Variants in RBAK observed in about 807,000 individuals in gnomAD.
RBAK encodes the protein RB associated KRAB zinc finger.
In RBAK, 39 loss-of-function variants were observed where a neutral mutation model predicts 65.8. The observed-to-expected ratio is 0.59, with a 90% CI of 0.46 to 0.77. RBAK has a LOEUF of 0.77. Among genes scored for constraint, RBAK ranks in the 30% least tolerant of loss-of-function variants. RBAK has a pLI of 0.00. For synonymous variants in RBAK, 343 were observed against 289.7 expected (o/e 1.18, Z -1.87); for missense variants, 884 against 855.1 (o/e 1.03, Z -0.42).
At chr7:5,061,827 A>G (rs1779081607) in intron 4 of RBAK, among the ~76,000 whole-genome samples, 1 of 151,558 alleles carries the variant, frequency 6.6e-6, no homozygotes, top group Admixed American at 6.6e-5. Context: ...GAGCCTGAGA[A>G]GTGGAGGTTG....
rs1301716947 is a variant in RBAK at position 5,064,862 on chromosome 7, A to C, written c.1406A>C (p.Asn469Thr). Residue 469 changes from asparagine to threonine, a missense_variant, in exon 5 of 5, where the codon AAT (asparagine) becomes ACT (threonine). Asn to Thr is a moderately conservative substitution (Grantham distance 65, BLOSUM62 0). Transcript: ENST00000396912. The surrounding 1 kb of genome is among the most constrained non-coding windows in gnomAD (Gnocchi z 6.3). Reference sequence around the variant, plus strand: ...GAATGTGGCAAAACCTTCAATTTAAATTCAGCCTTCATTAGACATCGGAAA... The same window carrying C: ...GAATGTGGCAAAACCTTCAATTTAACTTCAGCCTTCATTAGACATCGGAAA... ...CNECGKTFNL[N>T]SAFIRHRKVH... The C allele has an allele frequency of 6.2e-6, 10 of 1,613,936 alleles. No homozygotes were observed. In the East Asian group the frequency reaches 2.0e-4, roughly 32 times the overall value.
At chr7:5,053,967 C>G (rs188443072) in intron 2 of RBAK, among the ~76,000 whole-genome samples, 24 of 152,256 alleles carry the variant, frequency 1.6e-4, no homozygotes, top group African/African-American at 5.3e-4. Flanking sequence ...TTTCCCATCT[C>G]GCAACTCTTA....
In RBAK at chr7:5,063,611, C is replaced by T. The variant is rs994722941; in HGVS notation, c.239-84C>T. On this transcript the variant is annotated intron_variant, in intron 4 of 4. Transcript: ENST00000396912. ...GGCTCTAAAGCCAGAGTCAACCCCA[C>T]AATGGGGGCTCTTGAATACCAGTAC... 2.7e-6 allele frequency: 3 copies of T among 1,111,000 alleles called. No homozygotes were observed. The African/African-American group carries it at 4.8e-5, about 18-fold the overall frequency. 68.8% of individuals were successfully genotyped at this position (1,111,000 alleles called of 1,614,324 possible).
At position 5,065,377 on chromosome 7, in the gene RBAK, C is replaced by T; in HGVS notation, c.1921C>T (p.His641Tyr). 6.2e-7 allele frequency: 1 copy of T among 1,613,574 alleles called. No individual in the cohort carries two copies. Among genetic ancestry groups the T allele is most frequent in the Non-Finnish European group, 8.5e-7 (1 of 1,179,756 alleles). ...CTCTCGGATGTCAAACCTCACTGTCCACTACAGAAGCCATTCAGGAGAGAA... is the reference window on the plus strand; with the variant it reads ...CTCTCGGATGTCAAACCTCACTGTCTACTACAGAAGCCATTCAGGAGAGAA... ...VFSRMSNLTV[H>Y]YRSHSGEKPY... is the part of the protein sequence containing the mutation. The change falls in exon 5 of 5, where the codon CAC (histidine) becomes TAC (tyrosine). Residue 641 changes from histidine to tyrosine, a missense_variant. By Grantham distance (83) the His-to-Tyr change is moderately conservative (BLOSUM62 2). Transcript: ENST00000396912. This position sits in a 1 kb window ranked among gnomAD's most constrained non-coding sequence, Gnocchi z 5.3.
intron 2 of RBAK, among the ~76,000 whole-genome samples, chr7:5,054,076 T>C (rs1462157490): frequency 1.3e-5 from 2 of 152,160 alleles, no homozygotes; most frequent in African/African-American, 2.4e-5. Flanking sequence ...CCATCACTCA[T>C]AGATAACTCT....
At chr7:5,062,406 A>G (rs1485106868) in intron 4 of RBAK, among the ~76,000 whole-genome samples, 1 of 152,192 alleles carries the variant, frequency 6.6e-6, no homozygotes, top group African/African-American at 2.4e-5. Context: ...GCAAGTTTTT[A>G]TTAGGGACTT....
At chr7:5,060,636 A>G (rs1386336060) in intron 4 of RBAK, among the ~76,000 whole-genome samples, 1 of 152,242 alleles carries the variant, frequency 6.6e-6, no homozygotes, top group Non-Finnish European at 1.5e-5. Flanking sequence ...CCAGGAGTCA[A>G]ATTGAATGAG....
chr7:5,068,013 A>G lies in RBAK; in HGVS notation c.*2412A>G, dbSNP rs754564678. 1.3e-5 allele frequency: 2 copies of G among 152,224 alleles called. No individual in the cohort carries two copies. The highest frequency in any genetic ancestry group is 1.3e-4 in the Admixed American group (2 of 15,280). The allele number at this position is 152,224 out of a possible 1,614,324, so 9.4% of individuals were successfully genotyped here. On this transcript the variant is annotated 3_prime_UTR_variant, in exon 5 of 5. Coordinates refer to ENST00000396912, the MANE Select transcript of RBAK (RefSeq NM_021163.4). ...GAGACCCAAAAAGCATTAACCCATA[A>G]AATTAGAACTTAATATTAAATTTGA...
At position 5,065,370 on chromosome 7, in the gene RBAK, C is replaced by T; in HGVS notation, c.1914C>T (p.Leu638=). 6.2e-7 allele frequency: 1 copy of T among 1,613,648 alleles called. No individual in the cohort carries two copies. Among genetic ancestry groups the T allele is most frequent in the Non-Finnish European group, 8.5e-7 (1 of 1,179,736 alleles). The change falls in exon 5 of 5, where the codon CTC becomes CTT. Residue 638 remains leucine, a synonymous_variant. Coordinates refer to ENST00000396912, the MANE Select transcript of RBAK (RefSeq NM_021163.4). This position sits in a 1 kb window ranked among gnomAD's most constrained non-coding sequence, Gnocchi z 5.3. ...AAGTCTTCTCTCGGATGTCAAACCT[C>T]ACTGTCCACTACAGAAGCCATTCAG... is the stretch of plus-strand genomic sequence containing the variant. ...CGKVFSRMSN[L]TVHYRSHSGE... is the part of the protein sequence containing the mutation.
chr7:5,051,682 A>G (rs938913259), intron 2 of RBAK, among the ~76,000 whole-genome samples: 21 of 152,180 alleles, frequency 1.4e-4, no homozygotes, highest in African/African-American at 5.1e-4. Context: ...TAATATTTGC[A>G]GAATACAGGC....
At chr7:5,049,732 T>G (rs1788074455) in intron 2 of RBAK, among the ~76,000 whole-genome samples, 1 of 152,156 alleles carries the variant, frequency 6.6e-6, no homozygotes, top group Non-Finnish European at 1.5e-5. Context: ...GTTTCTTTTT[T>G]TCTTTTTTTG....
intron 4 of RBAK, 93 bp from the exon 5 acceptor site, chr7:5,063,602 T>A: frequency 1.8e-5 from 18 of 984,968 alleles, no homozygotes; most frequent in Non-Finnish European, 2.6e-5. Context: ...AAAGCCAGAG[T>A]CAACCCCACA....
In RBAK at chr7:5,064,709, C is replaced by T; in HGVS notation, c.1253C>T (p.Thr418Ile). Residue 418 changes from threonine (T) to isoleucine (I), a missense_variant, in exon 5 of 5, where the codon ACA (threonine) becomes ATA (isoleucine). Thr to Ile is a moderately conservative substitution (Grantham distance 89, BLOSUM62 -1). Coordinates refer to ENST00000396912, the MANE Select transcript of RBAK (RefSeq NM_021163.4). The surrounding 1 kb of genome is among the most constrained non-coding windows in gnomAD (Gnocchi z 6.3). ...KSYYRKSTLI[T>I]HQRTHTGEKP... is the part of the protein sequence containing the mutation. ...TACTACCGAAAGTCTACTCTGATTACACATCAGAGAACACACACGGGAGAG... is the reference window on the plus strand; with the variant it reads ...TACTACCGAAAGTCTACTCTGATTATACATCAGAGAACACACACGGGAGAG... The T allele has an allele frequency of 6.2e-7, 1 of 1,611,894 alleles. No individual in the cohort carries two copies. Among genetic ancestry groups the T allele is most frequent in the South Asian group, 1.1e-5 (1 of 90,896 alleles).
Position 5,066,208 on chromosome 7 carries a change from G to A in RBAK, c.*607G>A, listed in dbSNP as rs1176182920. 6.6e-6 allele frequency: 1 copy of A among 152,440 alleles called. No individual in the cohort carries two copies. Among genetic ancestry groups the A allele is most frequent in the African/African-American group, 2.4e-5 (1 of 41,380 alleles). 9.4% of individuals were successfully genotyped at this position (152,440 alleles called of 1,614,324 possible). On this transcript the variant is annotated 3_prime_UTR_variant, in exon 5 of 5. Transcript: ENST00000396912. ...AGTTTTCTTATTTGAGTATTAGGAT[G>A]GCAAAATGTATTAAGACAGGACATA...
intron 4 of RBAK, among the ~76,000 whole-genome samples, chr7:5,060,570 G>C (rs185728863): frequency 6.6e-5 from 10 of 152,322 alleles, no homozygotes; most frequent in African/African-American, 2.4e-4. Flanking sequence ...GAAGAGATTT[G>C]ATAAATGTCT....
rs753186659 is a variant in RBAK at position 5,063,953 on chromosome 7, A to T, written c.497A>T (p.Asn166Ile). Residue 166 changes from asparagine to isoleucine, a missense_variant, in exon 5 of 5, where the codon AAT becomes ATT. Asn to Ile is a moderately radical substitution (Grantham distance 149). Coordinates refer to ENST00000396912, the MANE Select transcript of RBAK (RefSeq NM_021163.4). ...GCTAGGACAAAACCTGATGAGTGTA[A>T]TGAATGTGGGAAAACATATCATGGA... ...SYARTKPDEC[N>I]ECGKTYHGEK... 5 of 1,614,070 alleles carry T rather than the reference A, an allele frequency of 3.1e-6. No homozygotes were observed. The highest frequency in any genetic ancestry group is 1.3e-5 in the African/African-American group (1 of 75,056).
At chr7:5,049,202 A>C (rs1352333132) in intron 2 of RBAK, among the ~76,000 whole-genome samples, 1 of 152,224 alleles carries the variant, frequency 6.6e-6, no homozygotes, top group Non-Finnish European at 1.5e-5. Context: ...ACCATAACTT[A>C]TGGCTTATTC....
rs1012192707 is a variant in RBAK, at chr7:5,065,687, C to T, written c.*86C>T. The T allele has an allele frequency of 2.4e-5, 25 of 1,032,202 alleles. No individual in the cohort carries two copies. The highest frequency in any genetic ancestry group is 2.9e-5 in the Non-Finnish European group (22 of 746,158). The allele number at this position is 1,032,202 out of a possible 1,614,324, so 63.9% of individuals were successfully genotyped here. ...AAGTCAAAGCGTTTATCTGAGAGTT[C>T]GTGTTCCTGAACGGTGAGAAGCATT... On this transcript the variant is annotated 3_prime_UTR_variant, in exon 5 of 5. Transcript: ENST00000396912. The surrounding 1 kb of genome is among the most constrained non-coding windows in gnomAD (Gnocchi z 5.3).
In RBAK at chr7:5,057,664, C is replaced by T; in HGVS notation, c.143-20C>T. ...AAGCCAAGCAGCTTCCCCAAGTCCT[C>T]CTTCTTTTCCCATTAACAGGATATG... On this transcript the variant is annotated intron_variant, in intron 3 of 4. Transcript: ENST00000396912. The T allele has an allele frequency of 6.2e-7, 1 of 1,613,566 alleles. No homozygotes were observed. The highest frequency in any genetic ancestry group is 2.2e-5 in the East Asian group (1 of 44,874).
Sources: gnomAD v4.1 joint callset for allele counts (sites outside exome capture counted in the v4.1 genomes callset) on GRCh38, gnomAD v4.1.1 for gene constraint, Gnocchi (gnomAD v3.1) non-coding constraint, MANE v1.5 for transcripts, NCBI Gene and HGNC (gene_info 2026-07-23, HGNC 2026-07-21) for gene names.